MYBPC1: variants seen among roughly 807,000 people sequenced by gnomAD.
MYBPC1 encodes myosin binding protein C1.
MYBPC1 carries 52 observed loss-of-function variants against 147.1 expected under a neutral mutation model. That is an observed-to-expected ratio of 0.35 (90% CI 0.28 to 0.45). The LOEUF is 0.45. Among genes scored for constraint, MYBPC1 ranks in the 20% least tolerant of loss-of-function variants. The probability of loss-of-function intolerance (pLI) is 1.00; values close to 1 mark genes in which losing one functional copy is unlikely to be tolerated. For synonymous variants in MYBPC1, 477 were observed against 475.9 expected, an observed-to-expected ratio of 1.00 and a Z score of -0.03; for missense variants, 1,228 against 1,440.3, an observed-to-expected ratio of 0.85 and a Z score of 2.39.
chr12:101,648,267 A>C, intron 14 of MYBPC1, 117 bp downstream of exon 14: 1 of 714,056 alleles, frequency 1.4e-6, no homozygotes, highest in Non-Finnish European at 2.5e-6. Flanking sequence ...TCTCCACCTC[A>C]TTTGTGTTAG....
chr12:101,674,862 C>CAAAAAAAAAAAAAAAAAAAAAAAA (rs62824364), intron 25 of MYBPC1, among the ~76,000 whole-genome samples: 5 of 59,836 alleles, frequency 8.4e-5, no homozygotes, highest in African/African-American at 4.1e-4. Flanking sequence ...ACTCTGTCTC[C>CAAAAAAAAAAAAAAAAAAAAAAAA]AAAAAAAAAA....
intron 22 of MYBPC1, chr12:101,666,703 A>G: frequency 2.0e-6 from 3 of 1,532,986 alleles, no homozygotes; most frequent in East Asian, 2.3e-5. Flanking sequence ...CTGGTGTGAA[A>G]GTGGGTGTCT....
At chr12:101,652,606 G>C (rs1276745992) in intron 16 of MYBPC1, 72 bp from the exon 17 acceptor site, 2 of 1,041,416 alleles carry the variant, frequency 1.9e-6, no homozygotes, top group African/African-American at 1.6e-5. Context: ...AAGGTCAAGT[G>C]TCTTTTCAGC....
At chr12:101,677,649 C>A (rs1900290536) in intron 27 of MYBPC1, among the ~76,000 whole-genome samples, 1 of 152,098 alleles carries the variant, frequency 6.6e-6, no homozygotes, top group Admixed American at 6.6e-5. Flanking sequence ...ATGGCTAATA[C>A]CCCAGAGGCT....
At chr12:101,678,320 T>A (rs1900481893) in intron 28 of MYBPC1, 82 bp downstream of exon 28, 3 of 1,568,042 alleles carry the variant, frequency 1.9e-6, no homozygotes, top group Non-Finnish European at 2.6e-6. Flanking sequence ...TGTAAACAAA[T>A]CCAGCTGCTA....
chr12:101,655,992 G>A (rs1165767168), intron 18 of MYBPC1, among the ~76,000 whole-genome samples: 2 of 152,030 alleles, frequency 1.3e-5, no homozygotes, highest in East Asian at 1.9e-4. Flanking sequence ...TTATATTTAT[G>A]TATTTTATAT....
intron 1 of MYBPC1, among the ~76,000 whole-genome samples, chr12:101,607,220 G>A (rs1435878627): frequency 3.3e-5 from 5 of 152,226 alleles, no homozygotes; most frequent in East Asian, 1.9e-4. Flanking sequence ...CATTGTGCTC[G>A]TGTCTGGGCA....
intron 1 of MYBPC1, among the ~76,000 whole-genome samples, chr12:101,599,862 G>A (rs1475221702): frequency 6.6e-6 from 1 of 152,112 alleles, no homozygotes; most frequent in Non-Finnish European, 1.5e-5. Context: ...GAGATTCATG[G>A]CATATATTTG....
chr12:101,640,419 C>A (rs1166086533), intron 10 of MYBPC1, among the ~76,000 whole-genome samples: 1 of 152,188 alleles, frequency 6.6e-6, no homozygotes, highest in Non-Finnish European at 1.5e-5. Context: ...GTGGATCTGG[C>A]AAATTATTAC....
chr12:101,641,468 T>C (rs1892023734), intron 10 of MYBPC1, among the ~76,000 whole-genome samples: 2 of 152,220 alleles, frequency 1.3e-5, no homozygotes, highest in Admixed American at 1.3e-4. Flanking sequence ...GGAAGACAAG[T>C]GTAAATCTTA....
At chr12:101,647,346 C>A (rs981116000) in intron 13 of MYBPC1, among the ~76,000 whole-genome samples, 20 of 152,136 alleles carry the variant, frequency 1.3e-4, no homozygotes, top group African/African-American at 4.8e-4. Flanking sequence ...GACAGACAAC[C>A]CTGAGATCTC....
rs776921845 is a variant in MYBPC1 at position 101,617,182 on chromosome 12, T to C, written c.62-20T>C. 3.7e-6 allele frequency: 6 copies of C among 1,613,398 alleles called. No homozygotes were observed. The Admixed American group carries it at 1.0e-4, about 27-fold the overall frequency. Reference sequence around the variant, plus strand: ...ATGCTTTAAGGCACTTTAAAAAATATGCTTGTACTTTCTACACAGAACCAA... The same window carrying C: ...ATGCTTTAAGGCACTTTAAAAAATACGCTTGTACTTTCTACACAGAACCAA... On this transcript the variant is annotated intron_variant, in intron 2 of 31. Transcript: ENST00000361466.
At chr12:101,640,109 G>C (rs1040178250) in intron 10 of MYBPC1, among the ~76,000 whole-genome samples, 2 of 152,046 alleles carry the variant, frequency 1.3e-5, no homozygotes, top group African/African-American at 4.8e-5. Flanking sequence ...CGACCTCCTG[G>C]GCTCAAGCAA....
chr12:101,646,819 T>C lies in MYBPC1; in HGVS notation c.1022T>C (p.Met341Thr), dbSNP rs774705992. 59 of 1,613,552 alleles carry C rather than the reference T, an allele frequency of 3.7e-5. 1 individual carries two copies. In the South Asian group the frequency reaches 6.4e-4, roughly 17 times the overall value. ...ATCCTGTTTATCAATAACTGTCAGA[T>C]GACAGATGATTCAGAGTATTATGTG... Reference protein sequence around the residue: ...QRILFINNCQMTDDSEYYVTA... With the variant: ...QRILFINNCQTTDDSEYYVTA... Residue 341 changes from methionine to threonine, a missense_variant, in exon 13 of 32, where the codon ATG (methionine) becomes ACG (threonine). Met to Thr is a moderately conservative substitution (Grantham distance 81). Transcript: ENST00000361466.
chr12:101,625,881 C>G (rs965905126), intron 3 of MYBPC1, among the ~76,000 whole-genome samples: 1 of 151,768 alleles, frequency 6.6e-6, no homozygotes, highest in Non-Finnish European at 1.5e-5. Context: ...GTCGAGAGAT[C>G]GAGACCACCC....
intron 10 of MYBPC1, among the ~76,000 whole-genome samples, chr12:101,638,226 A>G (rs543900054): frequency 6.6e-6 from 1 of 152,340 alleles, no homozygotes; most frequent in East Asian, 1.9e-4. Flanking sequence ...GCAATCATTT[A>G]CTCAGTCAGG....
intron 8 of MYBPC1, among the ~76,000 whole-genome samples, chr12:101,633,484 C>T (rs1382810304): frequency 3.9e-5 from 6 of 151,922 alleles, no homozygotes; most frequent in Non-Finnish European, 7.4e-5. Context: ...GACAGCAGTC[C>T]GAGACCAGCC....
intron 4 of MYBPC1, among the ~76,000 whole-genome samples, chr12:101,627,540 G>C (rs1288539807): frequency 6.6e-6 from 1 of 152,126 alleles, no homozygotes; most frequent in African/African-American, 2.4e-5. Context: ...ACCGCCCCCA[G>C]CTGGGATTTT....
At chr12:101,640,989 G>A (rs182454089) in intron 10 of MYBPC1, among the ~76,000 whole-genome samples, 1 of 151,834 alleles carries the variant, frequency 6.6e-6, no homozygotes, top group African/African-American at 2.4e-5. Context: ...GCACACACCT[G>A]TAATCCCAGC....
Sources: gnomAD v4.1 joint callset for allele counts (sites outside exome capture counted in the v4.1 genomes callset) on GRCh38, gnomAD v4.1.1 for gene constraint, MANE v1.5 for transcripts, NCBI Gene and HGNC (gene_info 2026-07-23, HGNC 2026-07-21) for gene names.